The following RPL3 variants were observed in gnomAD, a reference collection of about 807,000 sequenced individuals.
The protein encoded by RPL3 is large ribosomal subunit protein uL3.
RPL3 carries 3 observed loss-of-function variants against 46.0 expected under a neutral mutation model. The ratio of observed to expected loss-of-function variants is 0.07; its 90% CI spans 0.03 to 0.17. The LOEUF (loss-of-function observed/expected upper bound fraction) is 0.17, where lower values mean the gene tolerates loss of function less well. RPL3 is among the 10% of genes least tolerant of loss of function. The probability of loss-of-function intolerance (pLI) is 1.00; values close to 1 mark genes in which losing one functional copy is unlikely to be tolerated. For missense variants in RPL3, 387 were observed against 532.7 expected (o/e 0.73, Z 2.69); for synonymous variants, 224 against 190.8 (o/e 1.17, Z -1.43).
intron 1 of RPL3, 80 bp downstream of exon 1, chr22:39,319,515 G>A (rs1014184928): frequency 1.2e-5 from 18 of 1,545,444 alleles, no homozygotes; most frequent in African/African-American, 5.5e-5. Context: ...CGCCGGCCAA[G>A]ACGGGATGGC....
rs746239064 is a variant in RPL3 at position 39,317,490 on chromosome 22, A to C, written c.336T>G (p.Asp112Glu). 1.9e-6 allele frequency: 3 copies of C among 1,613,832 alleles called. No individual in the cohort carries two copies. In the African/African-American group the frequency reaches 4.0e-5, roughly 22 times the overall value. ...FKTVFAEHISDECKRRFYKNW... is the reference protein window; with the variant it reads ...FKTVFAEHISEECKRRFYKNW... Reference sequence around the variant, plus strand: ...TCTTATAGAAACGCCTCTTGCATTCATCACTGATGTGCTCAGCAAAGACAG... The same window carrying C: ...TCTTATAGAAACGCCTCTTGCATTCCTCACTGATGTGCTCAGCAAAGACAG... The change falls in exon 3 of 10, where the codon GAT (aspartate) becomes GAG (glutamate). Residue 112 changes from aspartate to glutamate, a missense_variant. Around this residue, in one of 5 missense-constraint regions of RPL3, gnomAD observed 196 missense variants for 217.5 expected, o/e 0.90. Coordinates refer to ENST00000216146, the MANE Select transcript of RPL3 (RefSeq NM_000967.4).
Position 39,313,166 on chromosome 22 carries a change from GAGGGGGGC to G in RPL3, c.1167+17_1167+24del. 2 of 1,605,444 alleles carry G rather than the reference GAGGGGGGC, an allele frequency of 1.2e-6. No homozygotes were observed. The highest frequency in any genetic ancestry group is 2.2e-5 in the South Asian group (2 of 89,920). On this transcript the variant is annotated intron_variant, in intron 9 of 9. Transcript: ENST00000216146. Reference sequence around the variant, plus strand: ...GGCTGCCCAAGCCACCACACCCAGCGAGGGGGGCAGGCAGAGGTGCTCACCATGAATGC... The same window carrying G: ...GGCTGCCCAAGCCACCACACCCAGCGAGGCAGAGGTGCTCACCATGAATGC...
chr22:39,319,524 G>A (rs1428347962), intron 1 of RPL3, 71 bp downstream of exon 1: 1 of 1,549,388 alleles, frequency 6.5e-7, no homozygotes, highest in Admixed American at 2.0e-5. Flanking sequence ...AGACGGGATG[G>A]CGGCGATGCG....
At chr22:39,314,327 G>A (rs914293724) in intron 6 of RPL3, 119 bp from the exon 7 acceptor site, 11 of 863,912 alleles carry the variant, frequency 1.3e-5, no homozygotes, top group African/African-American at 8.4e-5. Flanking sequence ...CAGTCACAGC[G>A]TATCCCAAGG....
chr22:39,318,826 C>T (rs901229704), intron 1 of RPL3, among the ~76,000 whole-genome samples: 2 of 152,090 alleles, frequency 1.3e-5, no homozygotes, highest in Non-Finnish European at 2.9e-5. Context: ...TGTAAGAAAA[C>T]GACCCATTTT....
Position 39,314,673 on chromosome 22 carries a change from C to A in RPL3, c.849+13G>T. ...CTCTTCCCACCCCCAGGGAGCCACT[C>A]TCAGAACCTCACCTTCTTGTTGATC... On this transcript the variant is annotated intron_variant, in intron 6 of 9. Coordinates refer to ENST00000216146, the MANE Select transcript of RPL3 (RefSeq NM_000967.4). The A allele has an allele frequency of 6.2e-7, 1 of 1,607,558 alleles. No individual in the cohort carries two copies.
chr22:39,314,481 C>T (rs1922555695), intron 6 of RPL3: 1 of 644,094 alleles, frequency 1.6e-6, no homozygotes, highest in East Asian at 2.7e-5. Context: ...CCCAGCCACA[C>T]CAGTCAGCCC....
At chr22:39,319,568 T>C (rs781236918) in intron 1 of RPL3, 27 bp downstream of exon 1, 4 of 1,563,714 alleles carry the variant, frequency 2.6e-6, no homozygotes, top group Middle Eastern at 1.7e-4. Flanking sequence ...CCGGTGACAA[T>C]GAAACGGCCG....
chr22:39,315,424 A>C lies in RPL3; in HGVS notation c.633T>G (p.Phe211Leu), dbSNP rs373627673. 6.9e-5 allele frequency: 111 copies of C among 1,613,816 alleles called. No homozygotes were observed. Among genetic ancestry groups the C allele is most frequent in the Non-Finnish European group, 8.8e-5 (104 of 1,180,044 alleles). The change falls in exon 5 of 10, where the codon TTT becomes TTG. Residue 211 changes from phenylalanine to leucine, a missense_variant. Phe to Leu is a conservative substitution (Grantham distance 22). This residue lies in a region of RPL3 where 48 missense variants were observed against 80.7 expected (regional missense o/e 0.60). Transcript: ENST00000216146. ...LEQQVPVNQV[F>L]GQDEMIDVIG... ...TGACGTCGATCATCTCATCCTGCCC[A>C]AACACTTGGTTCACAGGTACCTGCT...
intron 8 of RPL3, 92 bp from the exon 9 acceptor site, chr22:39,313,402 C>G: frequency 6.4e-7 from 1 of 1,566,170 alleles, no homozygotes; most frequent in South Asian, 1.2e-5. Flanking sequence ...GGAAGCCACA[C>G]GATCAATTCA....
At chr22:39,317,239 C>A (rs1325663723) in intron 3 of RPL3, 2 of 600,752 alleles carry the variant, frequency 3.3e-6, no homozygotes, top group Admixed American at 6.2e-5. Context: ...GGGTCCTCAG[C>A]CACCACCCAC....
chr22:39,314,126 T>C lies in RPL3; in HGVS notation c.932A>G (p.Asp311Gly), dbSNP rs1922530159. ...NNASTDYDLS[D>G]KSINPLGGFV... ...ACTTACCAGAGGGTTGATGCTCTTGTCAGATAGGTCATAGTCAGTGGAGGC... is the reference window on the plus strand; with the variant it reads ...ACTTACCAGAGGGTTGATGCTCTTGCCAGATAGGTCATAGTCAGTGGAGGC... Residue 311 changes from aspartate (D) to glycine (G), a missense_variant, in exon 7 of 10, where the codon GAC becomes GGC. By Grantham distance (94) the Asp-to-Gly change is moderately conservative. This residue lies in a region of RPL3 where 131 missense variants were observed against 185.1 expected (regional missense o/e 0.71). Transcript: ENST00000216146. The C allele has an allele frequency of 6.2e-7, 1 of 1,613,080 alleles. No individual in the cohort carries two copies. Among genetic ancestry groups the C allele is most frequent in the Non-Finnish European group, 8.5e-7 (1 of 1,179,978 alleles).
chr22:39,317,082 G>A (rs887002230), intron 3 of RPL3: 21 of 641,882 alleles, frequency 3.3e-5, no homozygotes, highest in South Asian at 1.2e-4. Context: ...TTCTTGCTCC[G>A]GGACAAACCT....
Position 39,313,177 on chromosome 22 carries a change from G to A in RPL3, c.1167+14C>T. The A allele has an allele frequency of 1.2e-6, 2 of 1,606,684 alleles. No individual in the cohort carries two copies. Among genetic ancestry groups the A allele is most frequent in the South Asian group, 1.1e-5 (1 of 90,008 alleles). On this transcript the variant is annotated intron_variant, in intron 9 of 9. Transcript: ENST00000216146. ...CCACCACACCCAGCGAGGGGGGCAG[G>A]CAGAGGTGCTCACCATGAATGCTTT...
intron 6 of RPL3, 52 bp from the exon 7 acceptor site, chr22:39,314,260 G>C: frequency 6.7e-7 from 1 of 1,498,884 alleles, no homozygotes. Flanking sequence ...AAATAACCCA[G>C]ACATGCCAGT....
At position 39,318,918 on chromosome 22, in the gene RPL3, G is replaced by C. The variant is rs1323423290; in HGVS notation, c.4-326C>G. 5 of 479,866 alleles carry C rather than the reference G, an allele frequency of 1.0e-5. No homozygotes were observed. In the East Asian group the frequency reaches 1.8e-4, roughly 17 times the overall value. 29.7% of individuals were successfully genotyped at this position (479,866 alleles called of 1,614,324 possible). On this transcript the variant is annotated intron_variant, in intron 1 of 9. Transcript: ENST00000216146. Reference sequence around the variant, plus strand: ...GCAGCTTTATATGCCAATTAGCAAGGTTTTGACCGCTAAAGAAAGGGACTC... The same window carrying C: ...GCAGCTTTATATGCCAATTAGCAAGCTTTTGACCGCTAAAGAAAGGGACTC...
At chr22:39,313,834 A>C (rs775694223) in intron 7 of RPL3, 105 bp from the exon 8 acceptor site, 28 of 1,073,022 alleles carry the variant, frequency 2.6e-5, no homozygotes, top group East Asian at 1.4e-4. Context: ...TCTCAGAAGG[A>C]AGGCAACAAG....
intron 3 of RPL3, 125 bp from the exon 4 acceptor site, chr22:39,316,966 CT>C: frequency 2.0e-6 from 3 of 1,485,846 alleles, no homozygotes; most frequent in Non-Finnish European, 1.9e-6. Flanking sequence ...TCTAAGGAGC[CT>C]TTTCCACCAG....
At chr22:39,313,460 A>G in intron 8 of RPL3, 150 bp from the exon 9 acceptor site, 1 of 1,360,392 alleles carries the variant, frequency 7.4e-7, no homozygotes, top group South Asian at 1.3e-5. Context: ...AGCAGCAAAC[A>G]GCCCAGCAAG....
Sources: allele counts gnomAD v4.1 joint callset (sites outside exome capture counted in the v4.1 genomes callset), GRCh38; gene constraint gnomAD v4.1.1; regional missense constraint gnomAD v4.1.1; transcripts MANE v1.5; gene names NCBI Gene and HGNC (gene_info 2026-07-23, HGNC 2026-07-21).